FSTL4: variants seen among roughly 807,000 people sequenced by gnomAD.
FSTL4 encodes follistatin like 4, also known as follistatin-related protein 4.
FSTL4 carries 28 observed loss-of-function variants against 78.2 expected under a neutral mutation model. The ratio of observed to expected loss-of-function variants is 0.36; its 90% CI spans 0.27 to 0.49. The LOEUF (loss-of-function observed/expected upper bound fraction) is 0.49. FSTL4 is among the 20% of genes least tolerant of loss of function. The pLI, the probability that FSTL4 is intolerant of heterozygous loss-of-function variation, is 0.98. For missense variants in FSTL4, 922 were observed against 1,084.9 expected, an observed-to-expected ratio of 0.85 and a Z score of 2.11; for synonymous variants, 422 against 440.5, an observed-to-expected ratio of 0.96 and a Z score of 0.53.
At chr5:133,529,540 C>T (rs989825038) in intron 3 of FSTL4, among the ~76,000 whole-genome samples, 2 of 152,188 alleles carry the variant, frequency 1.3e-5, no homozygotes, top group African/African-American at 2.4e-5. Flanking sequence ...TTAAGATTTT[C>T]ATAAATTTTA....
At chr5:133,583,177 T>A in intron 2 of FSTL4, 2 of 444,856 alleles carry the variant, frequency 4.5e-6, no homozygotes, top group Non-Finnish European at 9.0e-6. Context: ...ACATTCCCAC[T>A]GGGTTTCCTG....
At chr5:133,389,963 C>T (rs1028585620) in intron 4 of FSTL4, among the ~76,000 whole-genome samples, 4 of 152,090 alleles carry the variant, frequency 2.6e-5, no homozygotes, top group Admixed American at 2.0e-4. Flanking sequence ...CTAGCCAGGC[C>T]GAATGAGTGA....
the FSTL4 span, among the ~76,000 whole-genome samples, chr5:133,821,045 G>A: frequency 1.3e-5 from 2 of 152,190 alleles, no homozygotes; most frequent in African/African-American, 4.8e-5. Flanking sequence ...TTGTTATAAT[G>A]TATCCCTTTA....
chr5:133,565,018 C>T (rs896671842), intron 3 of FSTL4, among the ~76,000 whole-genome samples: 1 of 152,160 alleles, frequency 6.6e-6, no homozygotes, highest in Non-Finnish European at 1.5e-5. Context: ...GAGTCAGGTA[C>T]AGTATTGAAA....
intron 3 of FSTL4, among the ~76,000 whole-genome samples, chr5:133,490,911 G>A (rs1023378634): frequency 3.3e-5 from 5 of 151,994 alleles, no homozygotes; most frequent in African/African-American, 4.8e-5. Context: ...GAGTATACAC[G>A]GACACAAAGA....
the FSTL4 span, among the ~76,000 whole-genome samples, chr5:133,707,039 C>T: frequency 6.6e-6 from 1 of 152,204 alleles, no homozygotes; most frequent in Non-Finnish European, 1.5e-5. Context: ...AGGGGCTAAG[C>T]ATCCATGAGA....
chr5:133,839,778 G>A, the FSTL4 span, among the ~76,000 whole-genome samples: 1 of 152,224 alleles, frequency 6.6e-6, no homozygotes, highest in African/African-American at 2.4e-5. Flanking sequence ...GATGGGCCAT[G>A]TACCATTTTC....
At chr5:133,531,689 C>T (rs1253295093) in intron 3 of FSTL4, among the ~76,000 whole-genome samples, 5 of 152,180 alleles carry the variant, frequency 3.3e-5, no homozygotes, top group Admixed American at 1.3e-4. Context: ...GAAAGATGAT[C>T]CTTCTCCAAT....
the FSTL4 span, among the ~76,000 whole-genome samples, chr5:133,643,433 G>A: frequency 1.3e-5 from 2 of 152,160 alleles, no homozygotes; most frequent in Non-Finnish European, 2.9e-5. Flanking sequence ...CTATTGTGTA[G>A]GGATGGGCCT....
At chr5:133,468,888 C>G (rs1757764468) in intron 3 of FSTL4, among the ~76,000 whole-genome samples, 1 of 152,122 alleles carries the variant, frequency 6.6e-6, no homozygotes, top group Non-Finnish European at 1.5e-5. Flanking sequence ...GAGGGAAGAG[C>G]TGAGAGGGTG....
At chr5:133,474,371 G>A (rs183114355) in intron 3 of FSTL4, among the ~76,000 whole-genome samples, 1 of 152,166 alleles carries the variant, frequency 6.6e-6, no homozygotes, top group Non-Finnish European at 1.5e-5. Context: ...AGAGAGCACA[G>A]CACCCCCCGG....
intron 4 of FSTL4, among the ~76,000 whole-genome samples, chr5:133,350,876 A>T (rs1299804268): frequency 6.6e-6 from 1 of 152,208 alleles, no homozygotes; most frequent in Non-Finnish European, 1.5e-5. Context: ...GAAATTTCAC[A>T]TAACACTTCT....
At chr5:133,665,518 G>A in the FSTL4 span, among the ~76,000 whole-genome samples, 1 of 152,182 alleles carries the variant, frequency 6.6e-6, no homozygotes, top group South Asian at 2.1e-4. Context: ...ACATGCCTCT[G>A]CCACGGTGCT....
At chr5:133,222,511 A>C (rs377489740) in intron 11 of FSTL4, among the ~76,000 whole-genome samples, 94 of 152,284 alleles carry the variant, frequency 6.2e-4, no homozygotes, top group African/African-American at 2.2e-3. Context: ...TAAGCCACAA[A>C]CTCCAGGAAC....
chr5:133,409,785 T>C (rs999671534), intron 3 of FSTL4, among the ~76,000 whole-genome samples: 1 of 152,062 alleles, frequency 6.6e-6, no homozygotes, highest in Non-Finnish European at 1.5e-5. Flanking sequence ...GAGTAATCCA[T>C]CAATGGTTTT....
chr5:133,263,221 G>A (rs1337881717), intron 6 of FSTL4, among the ~76,000 whole-genome samples: 1 of 152,214 alleles, frequency 6.6e-6, no homozygotes, highest in Non-Finnish European at 1.5e-5. Flanking sequence ...CATGGAAGGT[G>A]GGCTGAGGGG....
the FSTL4 span, among the ~76,000 whole-genome samples, chr5:133,740,471 C>T: frequency 6.6e-6 from 1 of 152,332 alleles, no homozygotes; most frequent in African/African-American, 2.4e-5. Flanking sequence ...CCCCACTCCT[C>T]ACCGCAGGCC....
chr5:133,659,008 C>G, the FSTL4 span, among the ~76,000 whole-genome samples: 912 of 152,168 alleles, frequency 6.0e-3, 5 homozygotes, highest in Non-Finnish European at 8.6e-3. Context: ...ACTTATAAAG[C>G]TTTTAAATCT....
intron 3 of FSTL4, among the ~76,000 whole-genome samples, chr5:133,525,284 G>A (rs1047865420): frequency 1.3e-5 from 2 of 152,220 alleles, no homozygotes; most frequent in Non-Finnish European, 2.9e-5. Flanking sequence ...GGGCTGGGTT[G>A]TTTCCCCCTG....
Sources: gnomAD v4.1 joint callset for allele counts (sites outside exome capture counted in the v4.1 genomes callset) on GRCh38, gnomAD v4.1.1 for gene constraint, MANE v1.5 for transcripts, NCBI Gene and HGNC (gene_info 2026-07-23, HGNC 2026-07-21) for gene names.